Variants in THAP8 observed in about 807,000 individuals in gnomAD.
THAP8 encodes the protein THAP domain-containing protein 8.
In THAP8, 24 loss-of-function variants were observed where a neutral mutation model predicts 25.0. The observed-to-expected ratio is 0.96, with a 90% CI of 0.69 to 1.35. The LOEUF is 1.35. THAP8 is among the 40% of genes most tolerant of loss of function. The probability of loss-of-function intolerance (pLI) is 0.00; values close to 1 mark genes in which losing one functional copy is unlikely to be tolerated. For missense variants in THAP8, 399 were observed against 368.8 expected (o/e 1.08, Z -0.67); for synonymous variants, 169 against 157.6 (o/e 1.07, Z -0.54).
chr19:36,054,577 A>G, upstream of THAP8: 1 of 540,358 alleles, frequency 1.9e-6, no homozygotes, highest in Non-Finnish European at 3.3e-6. Context: ...GCTCCACCCT[A>G]CGCCTACATC....
chr19:36,045,818 TC>T (rs1969860347), intron 1 of THAP8: 3 of 456,438 alleles, frequency 6.6e-6, no homozygotes, highest in Non-Finnish European at 1.3e-5. Context: ...GAAGAGATTC[TC>T]CCCCAGAACC....
intron 1 of THAP8, among the ~76,000 whole-genome samples, chr19:36,047,094 T>C (rs1969905311): frequency 1.3e-5 from 2 of 152,230 alleles, no homozygotes; most frequent in Admixed American, 1.3e-4. Flanking sequence ...AGACAACAAG[T>C]GTTCCCCTTT....
chr19:36,043,391 G>A (rs1048934307), intron 1 of THAP8, among the ~76,000 whole-genome samples: 5 of 152,174 alleles, frequency 3.3e-5, no homozygotes, highest in African/African-American at 9.7e-5. Flanking sequence ...GTTGCCAAGA[G>A]CCTGGGGGAG....
rs116002682 is a variant in THAP8 at position 36,052,869 on chromosome 19, C to A, written c.83+1266G>T. 6.7e-3 allele frequency among the ~76,000 whole-genome samples: 1,013 copies of A among 152,290 alleles called. 14 individuals carry two copies. Among genetic ancestry groups the A allele is most frequent in the African/African-American group, 0.023 (974 of 41,566 alleles). The stretch of plus-strand genomic sequence containing the variant: ...CAACCAAAGTTTCCTACTAAGAAAG[C>A]AGTAGACACTCAAAGGATGGGAATT... On this transcript the variant is annotated intron_variant, in intron 1 of 3. Transcript: ENST00000292894.
Position 36,040,072 on chromosome 19 carries a change from C to T in THAP8, c.148G>A (p.Val50Met). 6.2e-7 allele frequency: 1 copy of T among 1,613,516 alleles called. No individual in the cohort carries two copies. Among genetic ancestry groups the T allele is most frequent in the East Asian group, 2.2e-5 (1 of 44,876 alleles). Residue 50 changes from valine to methionine, a missense_variant, in exon 2 of 4, where the codon GTG becomes ATG. By Grantham distance (21) the Val-to-Met change is conservative. Coordinates refer to ENST00000292894, the MANE Select transcript of THAP8 (RefSeq NM_152658.3). ...CACAAGTGCTGGTGGCAGCTGGGCA[C>T]CCAGTGCTCACAGCCCATGTGCTGC... The part of the protein sequence containing the change: ...WLQHMGCEHW[V>M]PSCHQHLCSE...
At chr19:36,046,484 C>T (rs1180349328) in intron 1 of THAP8, among the ~76,000 whole-genome samples, 1 of 152,134 alleles carries the variant, frequency 6.6e-6, no homozygotes. Context: ...CAAGACTTCT[C>T]AGACAAAGGA....
chr19:36,048,199 T>C (rs1969938515), intron 1 of THAP8, among the ~76,000 whole-genome samples: 2 of 152,098 alleles, frequency 1.3e-5, no homozygotes, highest in African/African-American at 2.4e-5. Context: ...TAAGATACTG[T>C]AGAGTAGGAC....
chr19:36,039,488 G>T lies in THAP8; in HGVS notation c.507C>A (p.Ala169=). ...CCAGCACTGGGCCCAGCCCGGTCTGGGCCTGTTGGGCAGGGACTTCAGGTT... is the reference window on the plus strand; with the variant it reads ...CCAGCACTGGGCCCAGCCCGGTCTGTGCCTGTTGGGCAGGGACTTCAGGTT... The part of the protein sequence containing the change: ...RSQPEVPAQQ[A]QTGLGPVLGA... Residue 169 remains alanine, a synonymous_variant, in exon 3 of 4, where the codon GCC becomes GCA. Transcript: ENST00000292894. 1.3e-6 allele frequency: 2 copies of T among 1,590,060 alleles called. No individual in the cohort carries two copies. Among genetic ancestry groups the T allele is most frequent in the Non-Finnish European group, 1.7e-6 (2 of 1,166,350 alleles).
intron 1 of THAP8, among the ~76,000 whole-genome samples, chr19:36,051,458 G>C (rs547890393): frequency 1.2e-4 from 19 of 152,198 alleles, no homozygotes; most frequent in Non-Finnish European, 2.6e-4. Flanking sequence ...GGCTCCCTCT[G>C]GCTGCAAGCA....
intron 3 of THAP8, among the ~76,000 whole-genome samples, chr19:36,036,595 G>A (rs749366020): frequency 4.6e-5 from 7 of 151,934 alleles, no homozygotes; most frequent in African/African-American, 1.2e-4. Context: ...AAAGCACTGC[G>A]GAGGCCAAAC....
Position 36,039,979 on chromosome 19 carries a change from C to CT in THAP8, c.240dup (p.Val81SerfsTer78). On this transcript the variant is annotated frameshift_variant, in exon 2 of 4. Transcript: ENST00000292894. LOFTEE classifies it high-confidence loss of function. ...GGTCCCCGGGAGAAGATGGAGGGCA[C>CT]TGCATCAGGCCGCAGGTAGCGCACA... The CT allele has an allele frequency of 6.2e-7, 1 of 1,613,474 alleles. No homozygotes were observed. Among genetic ancestry groups the CT allele is most frequent in the Non-Finnish European group, 8.5e-7 (1 of 1,179,952 alleles).
At chr19:36,044,568 T>A (rs140702845) in intron 1 of THAP8, among the ~76,000 whole-genome samples, 273 of 152,276 alleles carry the variant, frequency 1.8e-3, no homozygotes, top group Admixed American at 4.5e-3. Context: ...TGGCTCACTG[T>A]AGCCCTGAAC....
chr19:36,045,228 C>T (rs1969837115), intron 1 of THAP8, among the ~76,000 whole-genome samples: 2 of 152,048 alleles, frequency 1.3e-5, no homozygotes, highest in South Asian at 2.1e-4. Flanking sequence ...GCTGGGACTA[C>T]AGGCGCCCGC....
At chr19:36,054,394 G>A (rs1182640090), upstream of THAP8, 2 of 704,284 alleles carry the variant, frequency 2.8e-6, no homozygotes, top group Non-Finnish European at 2.4e-6. Context: ...CCCCTCCACA[G>A]TGCCACAGTC....
Position 36,035,377 on chromosome 19 carries a change from CG to C in THAP8, c.*62del. The C allele has an allele frequency of 6.4e-7, 1 of 1,554,292 alleles. No homozygotes were observed. Among genetic ancestry groups the C allele is most frequent in the Non-Finnish European group, 8.7e-7 (1 of 1,144,386 alleles). ...GGGCGGTGGGGCTGGGCCAAGCCCA[CG>C]TATAATGTCTTTCCTCCTCCATCTT... On this transcript the variant is annotated 3_prime_UTR_variant, in exon 4 of 4. Transcript: ENST00000292894.
chr19:36,043,778 C>T (rs1370055727), intron 1 of THAP8, among the ~76,000 whole-genome samples: 3 of 152,112 alleles, frequency 2.0e-5, no homozygotes, highest in South Asian at 4.1e-4. Context: ...ATCCCAGCTA[C>T]TCGGGAGGCT....
rs765340100 is a variant in THAP8, at chr19:36,035,456, C to T, written c.809G>A (p.Arg270Gln). The part of the protein sequence containing the change: ...VDAKPELLDT[R>Q]IPSA ...TCTTGATCCTTATGCACTGGGGATCCGAGTGTCCAGGAGCTCCGGCTTGGC... is the reference window on the plus strand; with the variant it reads ...TCTTGATCCTTATGCACTGGGGATCTGAGTGTCCAGGAGCTCCGGCTTGGC... The change falls in exon 4 of 4, where the codon CGG becomes CAG. Residue 270 changes from arginine to glutamine, a missense_variant. By Grantham distance (43) the Arg-to-Gln change is conservative. Coordinates refer to ENST00000292894, the MANE Select transcript of THAP8 (RefSeq NM_152658.3). 33 of 1,613,706 alleles carry T rather than the reference C, an allele frequency of 2.0e-5. No homozygotes were observed. Among genetic ancestry groups the T allele is most frequent in the Non-Finnish European group, 2.4e-5 (28 of 1,179,832 alleles).
chr19:36,036,707 G>A (rs1445510336), intron 3 of THAP8, among the ~76,000 whole-genome samples: 4 of 152,114 alleles, frequency 2.6e-5, no homozygotes, highest in East Asian at 3.9e-4. Flanking sequence ...ATAGGAGGCC[G>A]AGGTGGGCTG....
intron 1 of THAP8, among the ~76,000 whole-genome samples, chr19:36,053,366 C>CAAAAAA (rs58744657): frequency 5.2e-5 from 4 of 77,080 alleles, no homozygotes; most frequent in Admixed American, 1.6e-4. Flanking sequence ...CCAAGCCTGG[C>CAAAAAA]AAAAAAAAAA....
Sources: gnomAD v4.1 joint callset for allele counts (sites outside exome capture counted in the v4.1 genomes callset) on GRCh38, gnomAD v4.1.1 for gene constraint, MANE v1.5 for transcripts, NCBI Gene and HGNC (gene_info 2026-07-23, HGNC 2026-07-21) for gene names.